Variants in CYP7B1 observed in about 807,000 individuals in gnomAD.
CYP7B1 encodes cytochrome P450 7B1.
CYP7B1 carries 29 observed loss-of-function variants against 42.7 expected under a neutral mutation model. The ratio of observed to expected loss-of-function variants is 0.68; its 90% CI spans 0.51 to 0.93. CYP7B1 has a LOEUF of 0.93. Ranked by LOEUF, CYP7B1 falls within the 40% of genes least tolerant of loss-of-function variation. The probability of loss-of-function intolerance (pLI) is 0.00; values close to 1 mark genes in which losing one functional copy is unlikely to be tolerated. For missense variants in CYP7B1, 655 were observed against 600.5 expected, an observed-to-expected ratio of 1.09 and a Z score of -0.95; for synonymous variants, 235 against 218.2, an observed-to-expected ratio of 1.08 and a Z score of -0.68.
intron 1 of CYP7B1, among the ~76,000 whole-genome samples, chr8:64,658,024 T>C (rs1215585397): frequency 3.3e-5 from 5 of 152,174 alleles, no homozygotes; most frequent in Non-Finnish European, 5.9e-5. Flanking sequence ...CTTCTACCTG[T>C]ATCCTCCCAT....
At chr8:64,760,603 T>C (rs536747611) in intron 1 of CYP7B1, among the ~76,000 whole-genome samples, 2 of 152,142 alleles carry the variant, frequency 1.3e-5, no homozygotes, top group East Asian at 1.9e-4. Context: ...GAAAAGGTGG[T>C]TGACATCACC....
chr8:64,785,857 G>A (rs991817169), intron 1 of CYP7B1, among the ~76,000 whole-genome samples: 11 of 152,004 alleles, frequency 7.2e-5, no homozygotes, highest in Admixed American at 2.0e-4. Flanking sequence ...TTTAATTGAC[G>A]CACAGTTCCA....
intron 1 of CYP7B1, among the ~76,000 whole-genome samples, chr8:64,662,690 C>T (rs1330748941): frequency 1.3e-5 from 2 of 152,276 alleles, no homozygotes; most frequent in East Asian, 1.9e-4. Flanking sequence ...AAATTGAGTA[C>T]TTTCTATGTG....
At chr8:64,649,581 T>C (rs1434945238) in intron 1 of CYP7B1, among the ~76,000 whole-genome samples, 1 of 152,176 alleles carries the variant, frequency 6.6e-6, no homozygotes, top group African/African-American at 2.4e-5. Flanking sequence ...GACACAGAAG[T>C]GGGATTGTTG....
chr8:64,676,570 T>C (rs1806449550), intron 1 of CYP7B1, among the ~76,000 whole-genome samples: 1 of 152,114 alleles, frequency 6.6e-6, no homozygotes, highest in South Asian at 2.1e-4. Flanking sequence ...CTCACTTGTA[T>C]ACTCTAATTA....
At chr8:64,742,074 A>G (rs1289943489) in intron 1 of CYP7B1, among the ~76,000 whole-genome samples, 1 of 152,208 alleles carries the variant, frequency 6.6e-6, no homozygotes, top group Non-Finnish European at 1.5e-5. Context: ...TATAAAATCT[A>G]TGATTATGAA....
intron 1 of CYP7B1, among the ~76,000 whole-genome samples, chr8:64,789,839 C>G (rs1804589467): frequency 6.6e-6 from 1 of 152,236 alleles, no homozygotes; most frequent in East Asian, 1.9e-4. Context: ...AAATCCACAT[C>G]TCCATCTGGG....
At chr8:64,649,538 T>C (rs1420531052) in intron 1 of CYP7B1, among the ~76,000 whole-genome samples, 2 of 152,230 alleles carry the variant, frequency 1.3e-5, no homozygotes, top group African/African-American at 4.8e-5. Context: ...CCTGTGTCTC[T>C]TCAAGATCCT....
At chr8:64,670,051 A>G (rs1347380679) in intron 1 of CYP7B1, among the ~76,000 whole-genome samples, 1 of 152,204 alleles carries the variant, frequency 6.6e-6, no homozygotes, top group African/African-American at 2.4e-5. Flanking sequence ...TCCAACTCCA[A>G]TTTGTCCCTG....
intron 1 of CYP7B1, among the ~76,000 whole-genome samples, chr8:64,628,011 G>A (rs1350297616): frequency 2.6e-5 from 4 of 152,112 alleles, no homozygotes; most frequent in Non-Finnish European, 5.9e-5. Flanking sequence ...CACTGCCCAT[G>A]GCTGAGTAGG....
intron 5 of CYP7B1, among the ~76,000 whole-genome samples, chr8:64,604,066 C>T (rs1805239892): frequency 6.6e-6 from 1 of 152,106 alleles, no homozygotes; most frequent in African/African-American, 2.4e-5. Context: ...GATTAATTTC[C>T]AGTCTTTGAT....
intron 1 of CYP7B1, among the ~76,000 whole-genome samples, chr8:64,647,500 G>C (rs1193169051): frequency 6.6e-6 from 1 of 152,140 alleles, no homozygotes; most frequent in Non-Finnish European, 1.5e-5. Flanking sequence ...TATTTATTAT[G>C]AGGAATTGCC....
chr8:64,752,681 T>C (rs1363124152), intron 1 of CYP7B1, among the ~76,000 whole-genome samples: 2 of 152,216 alleles, frequency 1.3e-5, no homozygotes, highest in South Asian at 4.1e-4. Flanking sequence ...CAAAATCTTA[T>C]GTCCTTTTCT....
Position 64,698,850 on chromosome 8 carries a change from T to C in CYP7B1, c.123-74311A>G, listed in dbSNP as rs540657335. 5.3e-5 allele frequency among the ~76,000 whole-genome samples: 8 copies of C among 152,250 alleles called. No homozygotes were observed. In the East Asian group the frequency reaches 9.6e-4, roughly 18 times the overall value. ...AATGGTGTGTTATAGTTTTAAAGAC[T>C]CCTATCACATTATGTGATTATCCTG... On this transcript the variant is annotated intron_variant, in intron 1 of 5. Transcript: ENST00000310193.
chr8:64,690,926 C>T (rs866222560), intron 1 of CYP7B1, among the ~76,000 whole-genome samples: 1 of 152,092 alleles, frequency 6.6e-6, no homozygotes, highest in Admixed American at 6.5e-5. Flanking sequence ...ATTTATGGCA[C>T]GAAGGGACTG....
At chr8:64,711,018 A>G (rs1179228438) in intron 1 of CYP7B1, among the ~76,000 whole-genome samples, 1 of 152,236 alleles carries the variant, frequency 6.6e-6, no homozygotes, top group African/African-American at 2.4e-5. Context: ...ATTATAACAA[A>G]CTGCATTTAT....
At chr8:64,778,219 A>C (rs1289166555) in intron 1 of CYP7B1, among the ~76,000 whole-genome samples, 1 of 148,370 alleles carries the variant, frequency 6.7e-6, no homozygotes, top group Non-Finnish European at 1.5e-5. Flanking sequence ...ACATATATTT[A>C]TACATGTGTG....
chr8:64,758,153 G>C (rs572316979), intron 1 of CYP7B1, among the ~76,000 whole-genome samples: 1 of 152,252 alleles, frequency 6.6e-6, no homozygotes, highest in African/African-American at 2.4e-5. Flanking sequence ...AGAACAAAAG[G>C]CTTGCAGAGA....
At chr8:64,684,527 C>T (rs947428449) in intron 1 of CYP7B1, among the ~76,000 whole-genome samples, 2 of 152,090 alleles carry the variant, frequency 1.3e-5, no homozygotes, top group African/African-American at 4.8e-5. Context: ...CGGAATAATG[C>T]TAAAGTATAA....
Sources: gnomAD v4.1 joint callset for allele counts (sites outside exome capture counted in the v4.1 genomes callset) on GRCh38, gnomAD v4.1.1 for gene constraint, MANE v1.5 for transcripts, NCBI Gene and HGNC (gene_info 2026-07-23, HGNC 2026-07-21) for gene names.